Variants in NAV1 observed in about 807,000 individuals in gnomAD.
NAV1 encodes the protein pore membrane and/or filament interacting like protein 3.
A neutral mutation model predicts 175.2 loss-of-function variants in NAV1; 18 were observed. That is an observed-to-expected ratio of 0.10 (90% CI 0.07 to 0.15). The LOEUF (loss-of-function observed/expected upper bound fraction) is 0.15, where lower values mean the gene tolerates loss of function less well. Ranked by LOEUF, NAV1 falls within the 10% of genes least tolerant of loss-of-function variation. The pLI is 1.00. For synonymous variants in NAV1, 897 were observed against 978.7 expected (o/e 0.92, Z 1.56); for missense variants, 1,731 against 2,436.6 (o/e 0.71, Z 6.10).
chr1:201,628,898 T>C (rs1176622980), intron 1 of NAV1, among the ~76,000 whole-genome samples: 1 of 152,120 alleles, frequency 6.6e-6, no homozygotes, highest in African/African-American at 2.4e-5. Context: ...TACTCCTCCT[T>C]CTTTCCTGAC....
intron 1 of NAV1, among the ~76,000 whole-genome samples, chr1:201,664,010 A>G (rs1669716770): frequency 6.6e-6 from 1 of 152,192 alleles, no homozygotes; most frequent in Non-Finnish European, 1.5e-5. Flanking sequence ...AGCTGTTTGC[A>G]GCAGCTCTGT....
rs190590501 is a variant in NAV1 at position 201,653,593 on chromosome 1, G to A, written c.757+4168G>A. On this transcript the variant is annotated intron_variant, in intron 1 of 29. Transcript: ENST00000367296. ...AAAGAAATGTGTTCACAAATACTTCGTTTTCCTTTTTATTCAGTGCATTGT... is the reference window on the plus strand; with the variant it reads ...AAAGAAATGTGTTCACAAATACTTCATTTTCCTTTTTATTCAGTGCATTGT... Among the ~76,000 whole-genome samples, 162 of 152,262 alleles carry A rather than the reference G, an allele frequency of 1.1e-3. 2 individuals are homozygous for A. In the East Asian group the frequency reaches 0.011, roughly 11 times the overall value.
At chr1:201,773,077 A>G (rs1478860374) in intron 3 of NAV1, among the ~76,000 whole-genome samples, 1 of 152,022 alleles carries the variant, frequency 6.6e-6, no homozygotes, top group Admixed American at 6.6e-5. Context: ...CTGTTTGCTC[A>G]ATTGAAGTTG....
At chr1:201,585,267 G>A (rs1182358795) in intron 1 of NAV1, among the ~76,000 whole-genome samples, 1 of 152,198 alleles carries the variant, frequency 6.6e-6, no homozygotes, top group Non-Finnish European at 1.5e-5. Flanking sequence ...ACATTTCAGA[G>A]TGTGTTCTGT....
rs895760348 is a variant in NAV1, at chr1:201,765,404, C to CT, written c.1227-15009dup. On this transcript the variant is annotated intron_variant, in intron 3 of 29. Transcript: ENST00000367296. The stretch of plus-strand genomic sequence containing the variant: ...TTCTTTTTTTTTTTTTTTTTTTTTT[C>CT]TTTTTTTTGAGACAGACTCTTGCTC... Among the ~76,000 whole-genome samples the CT allele has an allele frequency of 1.7e-4, 13 of 78,270 alleles. No individual in the cohort carries two copies. In the South Asian group the frequency reaches 2.9e-3, roughly 17 times the overall value. The allele number at this position is 78,270 out of a possible 152,430, so 51.3% of individuals were successfully genotyped here.
chr1:201,697,288 A>G (rs1001665779), intron 1 of NAV1, among the ~76,000 whole-genome samples: 1 of 152,138 alleles, frequency 6.6e-6, no homozygotes, highest in African/African-American at 2.4e-5. Flanking sequence ...GTGACACAGC[A>G]GGCTTTTCCA....
chr1:201,642,167 C>CCCTCCCTTCCTTCCTTCCTTCCTT (rs754218887), intron 2 of NAV1, among the ~76,000 whole-genome samples: 9 of 116,440 alleles, frequency 7.7e-5, no homozygotes, highest in East Asian at 4.5e-4. Context: ...TCTCTCCCCT[C>CCCTCCCTTCCTTCCTTCCTTCCTT]CCTTCCTTCC....
chr1:201,596,029 G>A (rs971048784), intron 2 of NAV1, among the ~76,000 whole-genome samples: 1 of 152,228 alleles, frequency 6.6e-6, no homozygotes, highest in Non-Finnish European at 1.5e-5. Flanking sequence ...TTAAATCTTA[G>A]CGACCCCACG....
At chr1:201,795,378 T>C (rs974009768) in intron 15 of NAV1, 2 of 152,252 alleles carry the variant, frequency 1.3e-5, no homozygotes, top group Non-Finnish European at 2.9e-5. Context: ...ATTCATCCCT[T>C]CTGGCCAAGA....
chr1:201,601,552 G>A (rs187661158), intron 2 of NAV1, among the ~76,000 whole-genome samples: 10 of 152,268 alleles, frequency 6.6e-5, no homozygotes, highest in African/African-American at 2.4e-4. Flanking sequence ...TTGGTCATGA[G>A]GGCAGAGCCT....
rs951293890 is a variant in NAV1 at position 201,787,227 on chromosome 1, G to A, written c.2995+650G>A. 3.3e-5 allele frequency among the ~76,000 whole-genome samples: 5 copies of A among 152,202 alleles called. No homozygotes were observed. Among genetic ancestry groups the A allele is most frequent in the African/African-American group, 7.2e-5 (3 of 41,452 alleles). On this transcript the variant is annotated intron_variant, in intron 9 of 29. Transcript: ENST00000367296. The surrounding 1 kb of genome is among the most constrained non-coding windows in gnomAD (Gnocchi z 4.3). Reference sequence around the variant, plus strand: ...CCTAGCACAGAAGCACACCAGCTCCGGTTCTGTGAAGCAGTACGCCATGAT... The same window carrying A: ...CCTAGCACAGAAGCACACCAGCTCCAGTTCTGTGAAGCAGTACGCCATGAT...
rs1676874114 is a variant in NAV1 at position 201,787,999 on chromosome 1, C to T, written c.2996-469C>T. Among the ~76,000 whole-genome samples the T allele has an allele frequency of 6.6e-6, 1 of 152,208 alleles. No individual in the cohort carries two copies. The highest frequency in any genetic ancestry group is 1.5e-5 in the Non-Finnish European group (1 of 68,034). ...TCCACAATGCCAGGGCAACGGGATC[C>T]CGTAGCCCAGCCCCCTTCTCTAGCT... On this transcript the variant is annotated intron_variant, in intron 9 of 29. Coordinates refer to ENST00000367296, the Ensembl canonical transcript of NAV1. The surrounding 1 kb of genome is among the most constrained non-coding windows in gnomAD (Gnocchi z 4.3).
intron 3 of NAV1, among the ~76,000 whole-genome samples, chr1:201,746,392 C>A (rs1673772868): frequency 6.6e-6 from 1 of 152,300 alleles, no homozygotes; most frequent in African/African-American, 2.4e-5. Context: ...TAAATCATGT[C>A]ACCTGAAACA....
At position 201,782,149 on chromosome 1, in the gene NAV1, C is replaced by G; in HGVS notation, c.1664-27C>G. On this transcript the variant is annotated intron_variant, in intron 5 of 29. Coordinates refer to ENST00000367296, the Ensembl canonical transcript of NAV1. The surrounding 1 kb of genome is among the most constrained non-coding windows in gnomAD (Gnocchi z 5.4). ...TTTAAGATACTGGTCAGTTTCAGCT[C>G]TTTTCTCATTTCCCGTCCTCTTGCA... 6.5e-7 allele frequency: 1 copy of G among 1,545,810 alleles called. No homozygotes were observed. The highest frequency in any genetic ancestry group is 2.3e-5 in the East Asian group (1 of 44,338).
intron 1 of NAV1, among the ~76,000 whole-genome samples, chr1:201,557,292 A>G (rs1284505359): frequency 1.3e-5 from 2 of 152,196 alleles, no homozygotes; most frequent in East Asian, 3.9e-4. Context: ...ACAATGCAAG[A>G]GATTCTGGAA....
chr1:201,583,986 A>G (rs1221519351), intron 1 of NAV1, among the ~76,000 whole-genome samples: 1 of 152,186 alleles, frequency 6.6e-6, no homozygotes, highest in African/African-American at 2.4e-5. Context: ...AAAATTAAAG[A>G]ATCCAACTGG....
At chr1:201,607,011 A>G (rs1179612928) in intron 2 of NAV1, among the ~76,000 whole-genome samples, 3 of 152,182 alleles carry the variant, frequency 2.0e-5, no homozygotes, top group African/African-American at 4.8e-5. Flanking sequence ...TCAGAGTCCC[A>G]AGCAAAACTA....
chr1:201,656,748 C>T (rs754120811), intron 1 of NAV1, among the ~76,000 whole-genome samples: 5 of 152,186 alleles, frequency 3.3e-5, no homozygotes, highest in Non-Finnish European at 7.3e-5. Context: ...GGGACATTTG[C>T]GTGCATGTAT....
intron 1 of NAV1, among the ~76,000 whole-genome samples, chr1:201,675,851 A>T (rs1425299729): frequency 2.0e-5 from 3 of 152,188 alleles, no homozygotes; most frequent in Non-Finnish European, 4.4e-5. Context: ...GGGGAGCCTC[A>T]AGAGGGAAGA....
Sources: gnomAD v4.1 joint callset for allele counts (sites outside exome capture counted in the v4.1 genomes callset) on GRCh38, gnomAD v4.1.1 for gene constraint, Gnocchi (gnomAD v3.1) non-coding constraint, MANE v1.5 for transcripts, NCBI Gene and HGNC (gene_info 2026-07-23, HGNC 2026-07-21) for gene names.